Variants in PPARGC1A observed in about 807,000 individuals in gnomAD.
PPARGC1A encodes the protein peroxisome proliferator-activated receptor gamma coactivator 1-alpha.
A neutral mutation model predicts 88.7 loss-of-function variants in PPARGC1A; 25 were observed. That is an observed-to-expected ratio of 0.28 (90% confidence interval 0.21 to 0.39). The LOEUF is 0.39. PPARGC1A is among the 10% of genes least tolerant of loss of function. The pLI, the probability that PPARGC1A is intolerant of heterozygous loss-of-function variation, is 1.00. For synonymous variants in PPARGC1A, 363 were observed against 355.6 expected (o/e 1.02, Z -0.24); for missense variants, 880 against 968.7 (o/e 0.91, Z 1.22).
At chr4:24,404,878 TC>T in the PPARGC1A span, among the ~76,000 whole-genome samples, 1 of 152,226 alleles carries the variant, frequency 6.6e-6, no homozygotes, top group East Asian at 1.9e-4. Context: ...GCTTTTTCCC[TC>T]CTGAGTAATA....
At chr4:24,034,875 A>G in the PPARGC1A span, among the ~76,000 whole-genome samples, 1 of 152,132 alleles carries the variant, frequency 6.6e-6, no homozygotes, top group Non-Finnish European at 1.5e-5. Context: ...AGCTGGTCTC[A>G]AGTCTGTTGG....
At chr4:23,973,759 A>G in the PPARGC1A span, among the ~76,000 whole-genome samples, 16 of 152,168 alleles carry the variant, frequency 1.1e-4, no homozygotes, top group South Asian at 3.3e-3. Context: ...TTCTGAAATG[A>G]AATCAAAAGC....
chr4:23,974,644 T>A, the PPARGC1A span, among the ~76,000 whole-genome samples: 68 of 151,884 alleles, frequency 4.5e-4, no homozygotes, highest in African/African-American at 1.6e-3. Context: ...TCGTTGGTTT[T>A]TTTTTTGAGA....
At chr4:23,981,248 T>C in the PPARGC1A span, among the ~76,000 whole-genome samples, 11 of 152,084 alleles carry the variant, frequency 7.2e-5, no homozygotes, top group Admixed American at 7.2e-4. Flanking sequence ...ACTGAATATA[T>C]ACTATATACA....
chr4:23,957,363 T>C, the PPARGC1A span, among the ~76,000 whole-genome samples: 1 of 152,098 alleles, frequency 6.6e-6, no homozygotes, highest in Non-Finnish European at 1.5e-5. Context: ...TCTGTTTTAT[T>C]TTTTTCTGGT....
At chr4:24,188,073 G>A in the PPARGC1A span, among the ~76,000 whole-genome samples, 5 of 152,224 alleles carry the variant, frequency 3.3e-5, no homozygotes, top group Non-Finnish European at 7.3e-5. Flanking sequence ...TATATGGACT[G>A]TGTGCAGCTC....
the PPARGC1A span, among the ~76,000 whole-genome samples, chr4:24,091,796 C>T: frequency 3.0e-4 from 46 of 152,198 alleles, no homozygotes; most frequent in African/African-American, 1.0e-3. Flanking sequence ...AACAACCAAG[C>T]TCCAGGGCCG....
At chr4:24,215,298 T>C in the PPARGC1A span, among the ~76,000 whole-genome samples, 1 of 152,172 alleles carries the variant, frequency 6.6e-6, no homozygotes, top group Admixed American at 6.5e-5. Flanking sequence ...GAGAATGGGA[T>C]TGTGCACACT....
the PPARGC1A span, among the ~76,000 whole-genome samples, chr4:24,370,957 T>G: frequency 6.6e-6 from 1 of 151,872 alleles, no homozygotes. Context: ...AAGTCCCTGG[T>G]GTGTGATGTT....
At chr4:24,393,803 A>T in the PPARGC1A span, among the ~76,000 whole-genome samples, 4 of 152,198 alleles carry the variant, frequency 2.6e-5, no homozygotes. Context: ...TAGTTTTTTT[A>T]AAGAATAATT....
At chr4:24,024,635 T>G in the PPARGC1A span, among the ~76,000 whole-genome samples, 1 of 152,210 alleles carries the variant, frequency 6.6e-6, no homozygotes, top group Non-Finnish European at 1.5e-5. Context: ...AGACAGACTT[T>G]AACGGTTCTC....
chr4:23,999,180 C>T, the PPARGC1A span, among the ~76,000 whole-genome samples: 1 of 152,188 alleles, frequency 6.6e-6, no homozygotes, highest in Non-Finnish European at 1.5e-5. Context: ...TTATAAGCCA[C>T]GGTATTCCCT....
chr4:24,050,118 G>A, the PPARGC1A span, among the ~76,000 whole-genome samples: 1 of 150,792 alleles, frequency 6.6e-6, no homozygotes, highest in South Asian at 2.1e-4. Context: ...ACTTGAAATT[G>A]ATAATATGAT....
Position 23,814,340 on chromosome 4 carries a change from A to C in PPARGC1A, c.1143T>G (p.Phe381Leu). The change falls in exon 8 of 13, where the codon TTT (phenylalanine) becomes TTG (leucine). Residue 381 changes from phenylalanine (F) to leucine (L), a missense_variant. Physicochemically the swap from Phe to Leu is conservative, Grantham distance 22. Transcript: ENST00000264867. The part of the protein sequence containing the change: ...RKTKRPSLRL[F>L]GDHDYCQSIN... ...TTGACTGGCAATAGTCATGGTCACC[A>C]AACAGCCGCAGACTGGGCCGCTTGG... 2 of 1,614,064 alleles carry C rather than the reference A, an allele frequency of 1.2e-6. No homozygotes were observed. Among genetic ancestry groups the C allele is most frequent in the Non-Finnish European group, 1.7e-6 (2 of 1,179,998 alleles).
At chr4:24,001,151 A>C in the PPARGC1A span, among the ~76,000 whole-genome samples, 1 of 152,258 alleles carries the variant, frequency 6.6e-6, no homozygotes, top group African/African-American at 2.4e-5. Context: ...TCATGTTAAA[A>C]ATACACAGGA....
chr4:23,930,236 C>T, the PPARGC1A span, among the ~76,000 whole-genome samples: 1 of 152,210 alleles, frequency 6.6e-6, no homozygotes, highest in Non-Finnish European at 1.5e-5. Flanking sequence ...TCCCTCTCCA[C>T]CATGAGTGAC....
the PPARGC1A span, among the ~76,000 whole-genome samples, chr4:24,366,772 A>C: frequency 6.6e-6 from 1 of 152,156 alleles, no homozygotes; most frequent in Non-Finnish European, 1.5e-5. Context: ...AACAAAACCT[A>C]ACACGGGCAG....
the PPARGC1A span, among the ~76,000 whole-genome samples, chr4:23,942,509 C>T: frequency 3.3e-5 from 5 of 152,080 alleles, no homozygotes; most frequent in African/African-American, 1.2e-4. Context: ...TAGAACAAGT[C>T]CCGATCTTTG....
chr4:24,214,977 G>A, the PPARGC1A span, among the ~76,000 whole-genome samples: 1 of 152,182 alleles, frequency 6.6e-6, no homozygotes, highest in South Asian at 2.1e-4. Context: ...ATGGCTCTAA[G>A]TCACGGGTCC....
Sources: allele counts gnomAD v4.1 joint callset (sites outside exome capture counted in the v4.1 genomes callset), GRCh38; gene constraint gnomAD v4.1.1; transcripts MANE v1.5; gene names NCBI Gene and HGNC (gene_info 2026-07-23, HGNC 2026-07-21).